The following AATF variants were observed in gnomAD, a reference collection of about 807,000 sequenced individuals.
AATF encodes the protein apoptosis antagonizing transcription factor, also known as protein AATF.
Under a neutral mutation model 63.7 loss-of-function variants are expected in AATF, and 48 were observed. That is an observed-to-expected ratio of 0.75 (90% confidence interval 0.60 to 0.96). The LOEUF is 0.96. Ranked by LOEUF, AATF falls within the 40% of genes least tolerant of loss-of-function variation. The pLI is 0.00. For missense variants in AATF, 639 were observed against 685.7 expected, an observed-to-expected ratio of 0.93 and a Z score of 0.76; for synonymous variants, 258 against 247.7, an observed-to-expected ratio of 1.04 and a Z score of -0.39.
chr17:36,989,222 C>T (rs1468589999), intron 6 of AATF, 25 bp from the exon 7 acceptor site: 1 of 1,598,092 alleles, frequency 6.3e-7, no homozygotes, highest in African/African-American at 1.3e-5. Context: ...TCTGCATTAT[C>T]TGACACTGCT....
chr17:36,970,926 A>T (rs2071034491), intron 4 of AATF, among the ~76,000 whole-genome samples: 1 of 152,172 alleles, frequency 6.6e-6, no homozygotes, highest in Non-Finnish European at 1.5e-5. Context: ...ATAAAAATTA[A>T]CACAAGACAG....
chr17:36,987,488 C>T (rs866324066), intron 5 of AATF, among the ~76,000 whole-genome samples: 1 of 152,034 alleles, frequency 6.6e-6, no homozygotes, highest in Non-Finnish European at 1.5e-5. Context: ...AGATTTTTCC[C>T]CCTTTTGTTT....
At chr17:37,052,976 C>T (rs2071765806) in intron 11 of AATF, among the ~76,000 whole-genome samples, 1 of 152,152 alleles carries the variant, frequency 6.6e-6, no homozygotes, top group Non-Finnish European at 1.5e-5. Context: ...GGACGAGTCA[C>T]TGTGCGATTT....
At chr17:36,964,962 C>T (rs977255734) in intron 4 of AATF, among the ~76,000 whole-genome samples, 9 of 152,130 alleles carry the variant, frequency 5.9e-5, no homozygotes, top group Non-Finnish European at 1.5e-5. Context: ...TCTCAGTTTA[C>T]TGTCAGTTTG....
intron 8 of AATF, among the ~76,000 whole-genome samples, chr17:37,015,435 T>C (rs575509021): frequency 4.6e-5 from 7 of 152,298 alleles, no homozygotes; most frequent in African/African-American, 1.7e-4. Context: ...TGCTGTCTGC[T>C]TCCAAGATGG....
intron 11 of AATF, among the ~76,000 whole-genome samples, chr17:37,044,677 C>T (rs1176704218): frequency 1.3e-5 from 2 of 152,136 alleles, no homozygotes; most frequent in Admixed American, 6.5e-5. Context: ...CGAATTCTTG[C>T]GTCCAGAGGA....
rs748206822 is a variant in AATF, at chr17:37,019,022, A to G, written c.1416A>G (p.Ile472Met). 7.4e-6 allele frequency: 12 copies of G among 1,614,028 alleles called. No homozygotes were observed. Among genetic ancestry groups the G allele is most frequent in the South Asian group, 1.1e-5 (1 of 91,086 alleles). ...DFYHQLLREL[I>M]ERKTSSLDPN... Reference sequence around the variant, plus strand: ...TCCCCTAGCTCCTTCGAGAACTCATAGAACGGAAGACCAGCTCCTTGGATC... The same window carrying G: ...TCCCCTAGCTCCTTCGAGAACTCATGGAACGGAAGACCAGCTCCTTGGATC... Residue 472 changes from isoleucine (I) to methionine (M), a missense_variant, in exon 9 of 12, where the codon ATA becomes ATG. Physicochemically the swap from Ile to Met is conservative, Grantham distance 10. Transcript: ENST00000619387.
intron 4 of AATF, among the ~76,000 whole-genome samples, chr17:36,958,639 C>T (rs2070921502): frequency 6.6e-6 from 1 of 152,158 alleles, no homozygotes; most frequent in African/African-American, 2.4e-5. Flanking sequence ...CAGTGAACCC[C>T]CACATGCCTT....
chr17:36,989,200 C>A, intron 6 of AATF, 47 bp from the exon 7 acceptor site: 1 of 1,567,882 alleles, frequency 6.4e-7, no homozygotes. Flanking sequence ...AGCTTGCCTT[C>A]AGCACTGATT....
chr17:37,030,101 G>A (rs184322172), intron 10 of AATF, among the ~76,000 whole-genome samples: 3 of 151,680 alleles, frequency 2.0e-5, no homozygotes, highest in Non-Finnish European at 4.4e-5. Context: ...GGTATAGACA[G>A]GGTCTTACTA....
At chr17:36,956,142 C>T (rs1253750317) in intron 4 of AATF, among the ~76,000 whole-genome samples, 1 of 152,104 alleles carries the variant, frequency 6.6e-6, no homozygotes, top group Non-Finnish European at 1.5e-5. Context: ...TTGTACTTAA[C>T]CAATTGCCTT....
rs71159679 is a variant in AATF at position 37,022,113 on chromosome 17, C to CGTGTGTGTGTGTGTGT, written c.1547+1123_1547+1138dup. Among the ~76,000 whole-genome samples, 18 of 145,428 alleles carry CGTGTGTGTGTGTGTGT rather than the reference C, an allele frequency of 1.2e-4. 1 individual carries two copies. The highest frequency in any genetic ancestry group is 7.1e-3 in the Middle Eastern group (2 of 280). ...CTATACTTTTAGACTTGGTAACTGCCGTGTGTGTGTGTGTGTGTGTGTGTG... is the reference window on the plus strand; with the variant it reads ...CTATACTTTTAGACTTGGTAACTGCCGTGTGTGTGTGTGTGTGTGTGTGTGTGTGTGTGTGTGTGTG... On this transcript the variant is annotated intron_variant, in intron 10 of 11. Coordinates refer to ENST00000619387, the MANE Select transcript of AATF (RefSeq NM_012138.4).
At chr17:36,985,305 A>G (rs960239157) in intron 4 of AATF, among the ~76,000 whole-genome samples, 6 of 151,370 alleles carry the variant, frequency 4.0e-5, no homozygotes, top group Admixed American at 6.6e-5. Context: ...CCTTCACTCT[A>G]TTGCTCAGGC....
chr17:36,991,218 C>T (rs903462187), intron 8 of AATF, among the ~76,000 whole-genome samples: 1 of 152,136 alleles, frequency 6.6e-6, no homozygotes, highest in Admixed American at 6.5e-5. Flanking sequence ...TAGAATGGGC[C>T]GTGGAGCTGG....
intron 4 of AATF, among the ~76,000 whole-genome samples, chr17:36,964,236 CAG>C (rs1446238771): frequency 5.5e-5 from 8 of 145,248 alleles, no homozygotes; most frequent in African/African-American, 1.8e-4. Context: ...AGTGACCCAG[CAG>C]AGAGGGGGAA....
intron 10 of AATF, 64 bp from the exon 11 acceptor site, chr17:37,031,550 T>G: frequency 7.7e-7 from 1 of 1,296,316 alleles, no homozygotes; most frequent in Non-Finnish European, 1.1e-6. Context: ...ACTCACTGAA[T>G]GTGTTTCCTC....
intron 11 of AATF, among the ~76,000 whole-genome samples, chr17:37,040,747 T>TCCC (rs11382307): frequency 6.7e-6 from 1 of 149,554 alleles, no homozygotes; most frequent in African/African-American, 2.5e-5. Context: ...TTAAAATGCT[T>TCCC]CCCCCCCCAC....
intron 7 of AATF, 67 bp downstream of exon 7, chr17:36,989,478 T>C: frequency 6.8e-7 from 1 of 1,460,464 alleles, no homozygotes; most frequent in Non-Finnish European, 9.2e-7. Flanking sequence ...GCTGAAAAAC[T>C]TGTAGCTATT....
chr17:37,019,001 CT>C lies in AATF; in HGVS notation c.1399-3del, dbSNP rs1342048861. On this transcript the variant is annotated splice_polypyrimidine_tract_variant and splice_region_variant and intron_variant, in intron 8 of 11. Transcript: ENST00000619387. ...TAAATTCGTTGCTTTCCTTTTTCCC[CT>C]AGCTCCTTCGAGAACTCATAGAACG... 1.2e-6 allele frequency: 2 copies of C among 1,613,582 alleles called. No individual in the cohort carries two copies. The highest frequency in any genetic ancestry group is 2.7e-5 in the African/African-American group (2 of 74,904).
Sources: gnomAD v4.1 joint callset for allele counts (sites outside exome capture counted in the v4.1 genomes callset) on GRCh38, gnomAD v4.1.1 for gene constraint, MANE v1.5 for transcripts, NCBI Gene and HGNC (gene_info 2026-07-23, HGNC 2026-07-21) for gene names.